Variants in RYR3 observed in about 807,000 individuals in gnomAD.
The protein encoded by RYR3 is brain ryanodine receptor-calcium release channel.
RYR3 carries 207 observed loss-of-function variants against 584.3 expected under a neutral mutation model. That is an observed-to-expected ratio of 0.35 (90% CI 0.32 to 0.40). The LOEUF (loss-of-function observed/expected upper bound fraction) is 0.40. RYR3 is among the 10% of genes least tolerant of loss of function. RYR3 has a pLI of 1.00. For missense variants in RYR3, 5,616 were observed against 6,089.2 expected, an observed-to-expected ratio of 0.92 and a Z score of 2.59; for synonymous variants, 2,416 against 2,248.5, an observed-to-expected ratio of 1.07 and a Z score of -2.11.
Position 33,623,408 on chromosome 15 carries a change from C to T in RYR3, c.2358-399C>T, listed in dbSNP as rs182150024. ...TAACTGATGTGTGGATAATCTCCCT[C>T]GAGAAGAGTTGAAGTTATCACACTG... On this transcript the variant is annotated intron_variant, in intron 19 of 103. Coordinates refer to ENST00000634891, the MANE Select transcript of RYR3 (RefSeq NM_001036.6). Among the ~76,000 whole-genome samples the T allele has an allele frequency of 1.1e-4, 16 of 150,456 alleles. No homozygotes were observed. In the East Asian group the frequency reaches 3.2e-3, roughly 30 times the overall value.
At chr15:33,627,973 TG>T in intron 20 of RYR3, among the ~76,000 whole-genome samples, 1 of 151,956 alleles carries the variant, frequency 6.6e-6, no homozygotes, top group Non-Finnish European at 1.5e-5. Flanking sequence ...AAAGAGGTAG[TG>T]GGGCCATGCA....
intron 34 of RYR3, 43 bp downstream of exon 34, chr15:33,660,466 A>G: frequency 1.4e-6 from 2 of 1,393,866 alleles, no homozygotes; most frequent in Non-Finnish European, 1.9e-6. Context: ...CCTGAGGGGC[A>G]GGTGAGGCAG....
In RYR3 at chr15:33,724,156, C is replaced by T. The variant is rs757487919; in HGVS notation, c.6892C>T (p.Arg2298Cys). Residue 2298 changes from arginine to cysteine, a missense_variant, in exon 45 of 104, where the codon CGC becomes TGC. Arg to Cys is a radical substitution (Grantham distance 180). Around this residue, in one of 9 missense-constraint regions of RYR3, gnomAD observed 1,280 missense variants for 1,426.2 expected, o/e 0.90. Coordinates refer to ENST00000634891, the MANE Select transcript of RYR3 (RefSeq NM_001036.6). ...TTCGGCCCTTATAGATCTACTGGGC[C>T]GCTGTGCTCCTGAAATGCACGTAAG... Reference protein sequence around the residue: ...FYSALIDLLGRCAPEMHLIQT... With the variant: ...FYSALIDLLGCCAPEMHLIQT... 3 of 1,605,904 alleles carry T rather than the reference C, an allele frequency of 1.9e-6. No homozygotes were observed. Among genetic ancestry groups the T allele is most frequent in the Admixed American group, 1.7e-5 (1 of 59,888 alleles).
At position 33,377,740 on chromosome 15, in the gene RYR3, T is replaced by A. The variant is rs2040856802; in HGVS notation, c.51+66644T>A. Among the ~76,000 whole-genome samples the A allele has an allele frequency of 1.3e-5, 2 of 152,192 alleles. 1 individual carries two copies. Among genetic ancestry groups the A allele is most frequent in the Admixed American group, 1.3e-4 (2 of 15,284 alleles). On this transcript the variant is annotated intron_variant, in intron 1 of 103. Transcript: ENST00000634891. ...GGAAAATGCAGTGGTTAATAATAGT[T>A]GTTTCAGGGTGTTGCTGTGAGAATT... is the stretch of plus-strand genomic sequence containing the variant.
rs776236866 is a variant in RYR3, at chr15:33,724,086, G to A, written c.6822G>A (p.Glu2274=). The A allele has an allele frequency of 6.2e-7, 1 of 1,610,788 alleles. No individual in the cohort carries two copies. The change falls in exon 45 of 104, where the codon GAG becomes GAA. Residue 2274 remains glutamate (E), a synonymous_variant. Transcript: ENST00000634891. ...TCAGCAGCACGGGGGACGATGAAGAGGAAGAAGAAATCGTGCATATGGGCA... is the reference window on the plus strand; with the variant it reads ...TCAGCAGCACGGGGGACGATGAAGAAGAAGAAGAAATCGTGCATATGGGCA... ...KREVSTGDDE[E]EEEIVHMGNA...
chr15:33,732,521 G>A (rs1349812651), intron 48 of RYR3, among the ~76,000 whole-genome samples: 1 of 152,130 alleles, frequency 6.6e-6, no homozygotes, highest in Admixed American at 6.5e-5. Context: ...AGCCAGCTGA[G>A]GACAAAAGGT....
chr15:33,560,136 A>C (rs2057322081), intron 10 of RYR3, among the ~76,000 whole-genome samples: 1 of 152,234 alleles, frequency 6.6e-6, no homozygotes, highest in Admixed American at 6.5e-5. Flanking sequence ...GCATTAGTTC[A>C]TACTCAAGTC....
In RYR3 at chr15:33,779,494, A is replaced by G. The variant is rs62010992; in HGVS notation, c.9138-717A>G. Among the ~76,000 whole-genome samples the G allele has an allele frequency of 8.5e-3, 1,291 of 152,230 alleles. 11 individuals carry two copies. Among genetic ancestry groups the G allele is most frequent in the Non-Finnish European group, 0.011 (730 of 68,004 alleles). On this transcript the variant is annotated intron_variant, in intron 64 of 103. Coordinates refer to ENST00000634891, the MANE Select transcript of RYR3 (RefSeq NM_001036.6). ...GGCAGGTCTTTTATTTTTGTGTCTC[A>G]TTGGTGCTTTGGTGTGCTACCTACT... is the stretch of plus-strand genomic sequence containing the variant.
chr15:33,590,083 TGG>T (rs2059053958), intron 16 of RYR3, among the ~76,000 whole-genome samples: 1 of 150,734 alleles, frequency 6.6e-6, no homozygotes, highest in Non-Finnish European at 1.5e-5. Flanking sequence ...TGTTCTCTTG[TGG>T]GCAGGGGCGG....
intron 4 of RYR3, among the ~76,000 whole-genome samples, chr15:33,532,324 T>C (rs2054950414): frequency 6.6e-6 from 1 of 152,082 alleles, no homozygotes; most frequent in African/African-American, 2.4e-5. Flanking sequence ...AACCATTATT[T>C]TGAGGAGTTT....
At chr15:33,668,063 G>GAAAAAAA (rs35864583) in intron 36 of RYR3, among the ~76,000 whole-genome samples, 6 of 97,612 alleles carry the variant, frequency 6.1e-5, no homozygotes, top group East Asian at 5.7e-4. Context: ...ACTCAGTCTT[G>GAAAAAAA]AAAAAAAAAA....
chr15:33,760,955 C>T (rs1049508849), intron 60 of RYR3, among the ~76,000 whole-genome samples: 4 of 152,176 alleles, frequency 2.6e-5, no homozygotes, highest in Admixed American at 2.0e-4. Flanking sequence ...TCACTCAAAA[C>T]TGCACAAGAA....
chr15:33,806,682 C>T (rs1420716342), intron 69 of RYR3, among the ~76,000 whole-genome samples: 1 of 151,984 alleles, frequency 6.6e-6, no homozygotes, highest in Non-Finnish European at 1.5e-5. Context: ...AACGCTCCAT[C>T]TTTTAGGTTT....
intron 9 of RYR3, among the ~76,000 whole-genome samples, chr15:33,548,879 G>A (rs2056452167): frequency 6.6e-6 from 1 of 152,120 alleles, no homozygotes; most frequent in Admixed American, 6.5e-5. Context: ...GGAGGGTTAA[G>A]CATCGCCCTC....
chr15:33,413,065 A>G (rs2141506265), intron 1 of RYR3, among the ~76,000 whole-genome samples: 1 of 152,332 alleles, frequency 6.6e-6, no homozygotes, highest in Middle Eastern at 3.4e-3. Flanking sequence ...TATTTCATGG[A>G]TAAAATGGCT....
chr15:33,581,144 C>T (rs1224040025), intron 13 of RYR3, among the ~76,000 whole-genome samples: 1 of 152,020 alleles, frequency 6.6e-6, no homozygotes, highest in Non-Finnish European at 1.5e-5. Flanking sequence ...GTACTATATC[C>T]AGAGCTGTTT....
chr15:33,709,851 C>A (rs923568048), intron 43 of RYR3, among the ~76,000 whole-genome samples: 1 of 152,082 alleles, frequency 6.6e-6, no homozygotes, highest in Admixed American at 6.5e-5. Flanking sequence ...GTAAGACATG[C>A]GGTTTAAAAG....
chr15:33,498,025 T>C (rs2051596452), intron 2 of RYR3, among the ~76,000 whole-genome samples: 1 of 152,222 alleles, frequency 6.6e-6, no homozygotes, highest in Non-Finnish European at 1.5e-5. Flanking sequence ...TCACCCATGT[T>C]GCCACGAATG....
At chr15:33,660,074 C>T (rs547330333) in intron 33 of RYR3, 123 bp from the exon 34 acceptor site, 1 of 691,340 alleles carries the variant, frequency 1.4e-6, no homozygotes, top group African/African-American at 1.8e-5. Context: ...TGGTAAAGCC[C>T]TTAGAGATCC....
Sources: allele counts gnomAD v4.1 joint callset (sites outside exome capture counted in the v4.1 genomes callset), GRCh38; gene constraint gnomAD v4.1.1; regional missense constraint gnomAD v4.1.1; transcripts MANE v1.5; gene names NCBI Gene and HGNC (gene_info 2026-07-23, HGNC 2026-07-21).